Variants in DNAH1 observed in about 807,000 individuals in gnomAD.
DNAH1 encodes the protein dynein axonemal heavy chain 1.
A neutral mutation model predicts 484.3 loss-of-function variants in DNAH1; 327 were observed. The ratio of observed to expected loss-of-function variants is 0.68; its 90% CI spans 0.62 to 0.74. The LOEUF is 0.74. Among genes scored for constraint, DNAH1 ranks in the 30% least tolerant of loss-of-function variants. The probability of loss-of-function intolerance (pLI) is 0.00; values close to 1 mark genes in which losing one functional copy is unlikely to be tolerated. For synonymous variants in DNAH1, 2,192 were observed against 2,191.9 expected, an observed-to-expected ratio of 1.00 and a Z score of 0.00; for missense variants, 5,052 against 5,546.8, an observed-to-expected ratio of 0.91 and a Z score of 2.83.
chr3:52,382,524 C>T (rs1051141748), intron 50 of DNAH1, 69 bp downstream of exon 50: 38 of 1,584,192 alleles, frequency 2.4e-5, no homozygotes, highest in African/African-American at 6.8e-5. Context: ...CATAGCATCC[C>T]GGAAGGTGGC....
rs1704712628 is a variant in DNAH1 at position 52,397,948 on chromosome 3, T to C, written c.11958+71T>C. ...CTTCACCATCCTGCCCACTCCCCTG[T>C]GGGAAGGACCCCTATGCATGTGGAA... On this transcript the variant is annotated intron_variant, in intron 74 of 77. Coordinates refer to ENST00000420323, the MANE Select transcript of DNAH1 (RefSeq NM_015512.5). 23 of 1,578,018 alleles carry C rather than the reference T, an allele frequency of 1.5e-5. No individual in the cohort carries two copies. In the South Asian group the frequency reaches 2.7e-4, roughly 19 times the overall value.
chr3:52,376,621 T>TA (rs1326075746), intron 46 of DNAH1, among the ~76,000 whole-genome samples: 3 of 152,066 alleles, frequency 2.0e-5, no homozygotes, highest in Admixed American at 6.5e-5. Flanking sequence ...ACACCAGTGC[T>TA]CCCTTCGCCA....
In DNAH1 at chr3:52,358,799, C is replaced by A; in HGVS notation, c.4266+62C>A. The A allele has an allele frequency of 1.3e-6, 2 of 1,585,794 alleles. No individual in the cohort carries two copies. The highest frequency in any genetic ancestry group is 1.7e-6 in the Non-Finnish European group (2 of 1,166,322). ...GCACCCCTCTGCTCCCTCTCAGTGC[C>A]CCTCCTGCTCTAGCCGGCCTCGTCC... On this transcript the variant is annotated intron_variant, in intron 25 of 77. Transcript: ENST00000420323. This position sits in a 1 kb window ranked among gnomAD's most constrained non-coding sequence, Gnocchi z 4.2.
chr3:52,384,174 C>A lies in DNAH1; in HGVS notation c.8322+143C>A, dbSNP rs1032505712. The stretch of plus-strand genomic sequence containing the variant: ...GTCAGGCTGTGTTTCCTGTCTAAGC[C>A]TCCATTTCCTCATCTGTAAATGCGC... On this transcript the variant is annotated intron_variant, in intron 52 of 77. Transcript: ENST00000420323. 5 of 882,226 alleles carry A rather than the reference C, an allele frequency of 5.7e-6. No homozygotes were observed. The Admixed American group carries it at 1.5e-4, about 27-fold the overall frequency. The allele number at this position is 882,226 out of a possible 1,614,324, so 54.6% of individuals were successfully genotyped here. A position where few individuals can be genotyped will look rare whatever the true frequency, so the allele number is the denominator to read the frequency against.
intron 2 of DNAH1, 42 bp from the exon 3 acceptor site, chr3:52,323,765 TG>T: frequency 2.6e-6 from 4 of 1,530,638 alleles, no homozygotes; most frequent in Non-Finnish European, 3.6e-6. Flanking sequence ...TGCCTGTCCC[TG>T]GGAGGTTGAC....
Position 52,391,448 on chromosome 3 carries a change from C to T in DNAH1, c.9897C>T (p.Tyr3299=), listed in dbSNP as rs1704378035. 6.2e-7 allele frequency: 1 copy of T among 1,609,970 alleles called. No individual in the cohort carries two copies. Among genetic ancestry groups the T allele is most frequent in the Non-Finnish European group, 8.5e-7 (1 of 1,178,094 alleles). Residue 3299 remains tyrosine, a synonymous_variant, in exon 63 of 78, where the codon TAC becomes TAT. Transcript: ENST00000420323. ...ACCGGTCCCACCCACCACAGACGTA[C>T]AAGCAGCAGGGAAACACGGTGCTGA... ...ALEPVLLKQT[Y]KQQGNTVLKL...
chr3:52,347,788 G>C, intron 11 of DNAH1, 36 bp from the exon 12 acceptor site: 3 of 1,531,954 alleles, frequency 2.0e-6, no homozygotes, highest in South Asian at 1.2e-5. Context: ...AGGCCTCCTA[G>C]GCCTCTGCCC....
chr3:52,388,168 A>T lies in DNAH1; in HGVS notation c.9005A>T (p.Asp3002Val). Reference sequence around the variant, plus strand: ...TGAGACCCAGGCTTCCCACCTCAGGACAACATTGGGGATGTGGTGATCAAA... The same window carrying T: ...TGAGACCCAGGCTTCCCACCTCAGGTCAACATTGGGGATGTGGTGATCAAA... Reference protein sequence around the residue: ...FLESLFKFDKDNIGDVVIKAI... With the variant: ...FLESLFKFDKVNIGDVVIKAI... Residue 3002 changes from aspartate to valine, a missense_variant and splice_region_variant, in exon 57 of 78, where the codon GAC (aspartate) becomes GTC (valine). By Grantham distance (152) the Asp-to-Val change is radical. Transcript: ENST00000420323. 1.2e-6 allele frequency: 2 copies of T among 1,608,226 alleles called. No individual in the cohort carries two copies. The highest frequency in any genetic ancestry group is 1.7e-6 in the Non-Finnish European group (2 of 1,177,472).
rs1365430855 is a variant in DNAH1 at position 52,375,934 on chromosome 3, GT to G, written c.7160-18del. ...AGGTCCACCTAACCCTGAGCCCCGT[GT>G]TTCTCCCTCCATCCTCTAGATGGAC... On this transcript the variant is annotated intron_variant, in intron 45 of 77. Coordinates refer to ENST00000420323, the MANE Select transcript of DNAH1 (RefSeq NM_015512.5). 8 of 1,611,498 alleles carry G rather than the reference GT, an allele frequency of 5.0e-6. No individual in the cohort carries two copies. The Admixed American group carries it at 5.1e-5, about 10-fold the overall frequency.
chr3:52,353,809 A>G lies in DNAH1; in HGVS notation c.3480+176A>G. 1.2e-6 allele frequency: 1 copy of G among 853,594 alleles called. No individual in the cohort carries two copies. The allele number at this position is 853,594 out of a possible 1,614,324, so 52.9% of individuals were successfully genotyped here. On this transcript the variant is annotated intron_variant, in intron 20 of 77. Coordinates refer to ENST00000420323, the MANE Select transcript of DNAH1 (RefSeq NM_015512.5). This position sits in a 1 kb window ranked among gnomAD's most constrained non-coding sequence, Gnocchi z 5.0. ...TAAGTGAGTTAATAATGCACATAAA[A>G]TTCTTGACAGTGTCCACCATTGCTA...
At position 52,362,976 on chromosome 3, in the gene DNAH1, T is replaced by C; in HGVS notation, c.5095-19T>C. On this transcript the variant is annotated intron_variant, in intron 31 of 77. Transcript: ENST00000420323. The surrounding 1 kb of genome is among the most constrained non-coding windows in gnomAD (Gnocchi z 5.1). ...GGGTGAGCTCTGTTTGCTGTTCACA[T>C]GTGCACTGTGTGTCCCAGGCGCTCT... is the stretch of plus-strand genomic sequence containing the variant. 6.2e-7 allele frequency: 1 copy of C among 1,613,594 alleles called. No individual in the cohort carries two copies. Among genetic ancestry groups the C allele is most frequent in the Non-Finnish European group, 8.5e-7 (1 of 1,179,758 alleles).
At chr3:52,326,988 C>A in intron 5 of DNAH1, 97 bp downstream of exon 5, 4 of 1,414,094 alleles carry the variant, frequency 2.8e-6, no homozygotes, top group Non-Finnish European at 3.8e-6. Flanking sequence ...ATTCCCCCAC[C>A]AGTCACCAGC....
intron 1 of DNAH1, chr3:52,317,869 G>A (rs1358200052): frequency 2.6e-5 from 4 of 152,266 alleles, no homozygotes; most frequent in African/African-American, 9.6e-5. Flanking sequence ...CCTAGAGACG[G>A]GGCTGATGCA....
chr3:52,380,157 C>T, intron 48 of DNAH1, 22 bp downstream of exon 48: 1 of 1,560,544 alleles, frequency 6.4e-7, no homozygotes, highest in East Asian at 2.4e-5. Context: ...AGGCAGGCGC[C>T]CTGCCCCTGG....
intron 1 of DNAH1, chr3:52,321,565 T>G (rs931317973): frequency 6.6e-6 from 1 of 152,220 alleles, no homozygotes; most frequent in Non-Finnish European, 1.5e-5. Context: ...TGGTGATGAA[T>G]TTTGAGGTAG....
At chr3:52,360,158 A>G (rs1702795620) in intron 27 of DNAH1, 79 bp downstream of exon 27, 3 of 1,593,528 alleles carry the variant, frequency 1.9e-6, no homozygotes, top group East Asian at 4.5e-5. Context: ...TCAGTTAGCA[A>G]TAAGCTGGTC....
At chr3:52,347,238 A>T (rs1296154308) in intron 11 of DNAH1, among the ~76,000 whole-genome samples, 1 of 151,124 alleles carries the variant, frequency 6.6e-6, no homozygotes. Flanking sequence ...AGGCAGGTAC[A>T]GGCGGAGAGA....
At position 52,355,020 on chromosome 3, in the gene DNAH1, A is replaced by G. The variant is rs769690333; in HGVS notation, c.3658A>G (p.Ile1220Val). The G allele has an allele frequency of 6.8e-6, 11 of 1,613,824 alleles. No homozygotes were observed. The highest frequency in any genetic ancestry group is 9.3e-6 in the Non-Finnish European group (11 of 1,179,902). Reference sequence around the variant, plus strand: ...CTACAAGAAGCCCTTTGAGCAGCGCATCAACTCCTGGGAGAACAAACTGAA... The same window carrying G: ...CTACAAGAAGCCCTTTGAGCAGCGCGTCAACTCCTGGGAGAACAAACTGAA... ...SPYKKPFEQR[I>V]NSWENKLKLT... Residue 1220 changes from isoleucine to valine, a missense_variant, in exon 21 of 78, where the codon ATC (isoleucine) becomes GTC (valine). By Grantham distance (29) the Ile-to-Val change is conservative. Transcript: ENST00000420323. The surrounding 1 kb of genome is among the most constrained non-coding windows in gnomAD (Gnocchi z 4.5).
rs527961908 is a variant in DNAH1 at position 52,354,356 on chromosome 3, G to T, written c.3481-487G>T. Among the ~76,000 whole-genome samples, 27 of 152,310 alleles carry T rather than the reference G, an allele frequency of 1.8e-4. No homozygotes were observed. The South Asian group carries it at 5.4e-3, about 30-fold the overall frequency. Reference sequence around the variant, plus strand: ...CACATGTGTAACAGTGAACTGGGCTGAACACAGTGGCTCACGCCTGTAATC... The same window carrying T: ...CACATGTGTAACAGTGAACTGGGCTTAACACAGTGGCTCACGCCTGTAATC... On this transcript the variant is annotated intron_variant, in intron 20 of 77. Coordinates refer to ENST00000420323, the MANE Select transcript of DNAH1 (RefSeq NM_015512.5).
Sources: allele counts gnomAD v4.1 joint callset (sites outside exome capture counted in the v4.1 genomes callset), GRCh38; gene constraint gnomAD v4.1.1; non-coding constraint Gnocchi (gnomAD v3.1); transcripts MANE v1.5; gene names NCBI Gene and HGNC (gene_info 2026-07-23, HGNC 2026-07-21).